The following ST6GALNAC3 variants were observed in gnomAD, a reference collection of about 807,000 sequenced individuals.
The protein encoded by ST6GALNAC3 is alpha-N-acetylgalactosaminide alpha-2,6-sialyltransferase 3.
A neutral mutation model predicts 32.7 loss-of-function variants in ST6GALNAC3; 25 were observed. The ratio of observed to expected loss-of-function variants is 0.76; its 90% CI spans 0.56 to 1.07. The LOEUF is 1.07. ST6GALNAC3 is among the 50% of genes least tolerant of loss of function. The pLI is 0.00. For synonymous variants in ST6GALNAC3, 129 were observed against 133.1 expected (o/e 0.97, Z 0.21); for missense variants, 355 against 382.4 (o/e 0.93, Z 0.60).
At chr1:76,211,633 T>G (rs1178669706) in intron 1 of ST6GALNAC3, among the ~76,000 whole-genome samples, 1 of 152,100 alleles carries the variant, frequency 6.6e-6, no homozygotes, top group Non-Finnish European at 1.5e-5. Context: ...ATGTCCTTTG[T>G]AGGGACATGG....
chr1:76,373,907 C>T (rs1651019682), intron 2 of ST6GALNAC3, among the ~76,000 whole-genome samples: 1 of 152,154 alleles, frequency 6.6e-6, no homozygotes, highest in African/African-American at 2.4e-5. Flanking sequence ...CCTTCCCACC[C>T]CCACCATTCT....
At chr1:76,568,579 C>T (rs929909869) in intron 3 of ST6GALNAC3, among the ~76,000 whole-genome samples, 1 of 152,146 alleles carries the variant, frequency 6.6e-6, no homozygotes, top group Non-Finnish European at 1.5e-5. Flanking sequence ...GGATTAACAC[C>T]TACTTCAACA....
At chr1:76,400,154 T>C (rs962887818) in intron 2 of ST6GALNAC3, among the ~76,000 whole-genome samples, 1 of 152,192 alleles carries the variant, frequency 6.6e-6, no homozygotes, top group African/African-American at 2.4e-5. Flanking sequence ...ATGTCTGCTA[T>C]AGAATTTTTG....
At chr1:76,087,222 A>G (rs1389960443) in intron 1 of ST6GALNAC3, among the ~76,000 whole-genome samples, 1 of 152,110 alleles carries the variant, frequency 6.6e-6, no homozygotes, top group Non-Finnish European at 1.5e-5. Context: ...CCCATCTTTG[A>G]CCCATGATAT....
At chr1:76,192,920 T>G (rs1653986651) in intron 1 of ST6GALNAC3, among the ~76,000 whole-genome samples, 1 of 152,158 alleles carries the variant, frequency 6.6e-6, no homozygotes, top group African/African-American at 2.4e-5. Flanking sequence ...ATTAATCCTT[T>G]TATCTTCTGC....
At chr1:76,360,830 C>T (rs1486383206) in intron 2 of ST6GALNAC3, among the ~76,000 whole-genome samples, 2 of 152,140 alleles carry the variant, frequency 1.3e-5, no homozygotes, top group African/African-American at 2.4e-5. Flanking sequence ...TTTAGAACCT[C>T]GTTGGCCTTC....
intron 3 of ST6GALNAC3, among the ~76,000 whole-genome samples, chr1:76,416,073 A>ACACC (rs1263251557): frequency 2.8e-5 from 4 of 144,184 alleles, no homozygotes; most frequent in African/African-American, 1.0e-4. Context: ...ACACACACAC[A>ACACC]CATAATCTTA....
chr1:76,213,419 T>A (rs1655278216), intron 1 of ST6GALNAC3, among the ~76,000 whole-genome samples: 1 of 152,222 alleles, frequency 6.6e-6, no homozygotes, highest in East Asian at 1.9e-4. Context: ...TTTATTGTTT[T>A]AAGTCAAGGA....
At chr1:76,408,912 A>G (rs1030499904) in intron 2 of ST6GALNAC3, among the ~76,000 whole-genome samples, 1 of 152,250 alleles carries the variant, frequency 6.6e-6, no homozygotes, top group South Asian at 2.1e-4. Flanking sequence ...CATATGATAC[A>G]CACAATTTAA....
intron 1 of ST6GALNAC3, among the ~76,000 whole-genome samples, chr1:76,169,421 G>A (rs1358631591): frequency 6.6e-6 from 1 of 152,122 alleles, no homozygotes; most frequent in Non-Finnish European, 1.5e-5. Flanking sequence ...TGATGATTAT[G>A]TGCTTGGGGA....
At chr1:76,451,744 T>C (rs1322738976) in intron 3 of ST6GALNAC3, among the ~76,000 whole-genome samples, 1 of 152,224 alleles carries the variant, frequency 6.6e-6, no homozygotes, top group Non-Finnish European at 1.5e-5. Context: ...ATAGCAGACC[T>C]ACTGATTTGT....
At chr1:76,356,922 A>G (rs1481271634) in intron 2 of ST6GALNAC3, among the ~76,000 whole-genome samples, 3 of 152,114 alleles carry the variant, frequency 2.0e-5, no homozygotes, top group African/African-American at 7.2e-5. Context: ...AGAAAGTGCT[A>G]AAGTTGATTC....
chr1:76,207,739 G>C (rs961767683), intron 1 of ST6GALNAC3, among the ~76,000 whole-genome samples: 10 of 152,208 alleles, frequency 6.6e-5, no homozygotes, highest in Non-Finnish European at 1.5e-4. Flanking sequence ...ATGAGTTTTG[G>C]AGGGGGACAT....
intron 2 of ST6GALNAC3, among the ~76,000 whole-genome samples, chr1:76,348,738 A>G (rs58590540): frequency 0.21 from 32,172 of 151,998 alleles, 4,185 homozygotes; most frequent in African/African-American, 0.36. Flanking sequence ...TCATTCATGC[A>G]TGCATGCCTA....
At chr1:76,294,274 T>C (rs1660263476) in intron 1 of ST6GALNAC3, among the ~76,000 whole-genome samples, 1 of 152,062 alleles carries the variant, frequency 6.6e-6, no homozygotes, top group Non-Finnish European at 1.5e-5. Context: ...GTATATATTA[T>C]TTGTTAGAAT....
intron 3 of ST6GALNAC3, among the ~76,000 whole-genome samples, chr1:76,530,152 G>A (rs978798073): frequency 1.3e-5 from 2 of 152,130 alleles, no homozygotes; most frequent in Admixed American, 1.3e-4. Flanking sequence ...GGTGAAATAG[G>A]TTAGCAAAAT....
intron 3 of ST6GALNAC3, 126 bp from the exon 4 acceptor site, chr1:76,627,326 T>C (rs587021): frequency 1.6e-6 from 1 of 636,860 alleles, no homozygotes; most frequent in Non-Finnish European, 2.8e-6. Flanking sequence ...GTTTCTCAAC[T>C]CTTTTTCCTG....
chr1:76,515,146 G>T (rs12132439), intron 3 of ST6GALNAC3, among the ~76,000 whole-genome samples: 16,167 of 152,022 alleles, frequency 0.11, 984 homozygotes, highest in East Asian at 0.22. Flanking sequence ...GCTGGGCTTT[G>T]TATTTTATTT....
At chr1:76,277,933 C>T (rs1289055044) in intron 1 of ST6GALNAC3, among the ~76,000 whole-genome samples, 3 of 152,054 alleles carry the variant, frequency 2.0e-5, no homozygotes, top group Non-Finnish European at 4.4e-5. Flanking sequence ...ACACAAGTCT[C>T]CTCCCACATT....
Sources: gnomAD v4.1 joint callset for allele counts (sites outside exome capture counted in the v4.1 genomes callset) on GRCh38, gnomAD v4.1.1 for gene constraint, MANE v1.5 for transcripts, NCBI Gene and HGNC (gene_info 2026-07-23, HGNC 2026-07-21) for gene names.